SLC60A1: variants seen among roughly 807,000 people sequenced by gnomAD.
SLC60A1 encodes major facilitator superfamily domain containing 4.
At chr1:205,580,623 AC>A in the SLC60A1 span, 3 of 1,570,430 alleles carry the variant, frequency 1.9e-6, no homozygotes, top group Admixed American at 1.7e-5. The surrounding 1 kb of genome is among the most constrained non-coding windows in gnomAD (Gnocchi z 5.0). Context: ...CTGAAGACTG[AC>A]CCCCACCCCC....
chr1:205,579,687 TGGAGGA>T, the SLC60A1 span: 13 of 1,580,860 alleles, frequency 8.2e-6, no homozygotes, highest in Admixed American at 1.7e-5. Flanking sequence ...ACCCAGTGAA[TGGAGGA>T]GAAGGGGGAG....
chr1:205,599,172 C>G, the SLC60A1 span: 1 of 1,614,142 alleles, frequency 6.2e-7, no homozygotes, highest in South Asian at 1.1e-5. Flanking sequence ...TGGTCTGTGG[C>G]GTGATCTTTG....
the SLC60A1 span, among the ~76,000 whole-genome samples, chr1:205,569,860 TC>T: frequency 6.6e-6 from 1 of 151,948 alleles, no homozygotes; most frequent in African/African-American, 2.4e-5. Flanking sequence ...GGCTGTCCCT[TC>T]CCCCGGGTAG....
the SLC60A1 span, chr1:205,586,045 C>T: frequency 6.7e-5 from 107 of 1,598,412 alleles, no homozygotes; most frequent in Non-Finnish European, 8.6e-5. Context: ...GTGCCTATTC[C>T]GCCTTCGTGT....
chr1:205,593,467 A>G, the SLC60A1 span, among the ~76,000 whole-genome samples: 2 of 149,952 alleles, frequency 1.3e-5, no homozygotes, highest in Non-Finnish European at 3.0e-5. Context: ...AAAAAAAAAA[A>G]AAAAAAGATG....
At chr1:205,600,327 G>C in the SLC60A1 span, 2 of 1,442,684 alleles carry the variant, frequency 1.4e-6, no homozygotes, top group African/African-American at 1.4e-5. Context: ...AACAGCCTGG[G>C]TAAGCTCTCA....
At chr1:205,582,628 C>T in the SLC60A1 span, among the ~76,000 whole-genome samples, 2 of 152,358 alleles carry the variant, frequency 1.3e-5, no homozygotes, top group African/African-American at 4.8e-5. Flanking sequence ...GGCACTCTGC[C>T]ACTACAGGCC....
the SLC60A1 span, chr1:205,579,610 A>C: frequency 2.2e-6 from 2 of 918,716 alleles, no homozygotes; most frequent in Non-Finnish European, 3.4e-6. Flanking sequence ...CTAATAAGTG[A>C]GCAGCTTCTT....
the SLC60A1 span, chr1:205,597,873 G>C: frequency 6.2e-7 from 1 of 1,612,748 alleles, no homozygotes; most frequent in Non-Finnish European, 8.5e-7. Flanking sequence ...CTGTAAGGGA[G>C]AGGGGAGCAT....
the SLC60A1 span, among the ~76,000 whole-genome samples, chr1:205,582,009 C>T: frequency 2.0e-5 from 3 of 152,230 alleles, no homozygotes; most frequent in Non-Finnish European, 4.4e-5. Flanking sequence ...CCCTCATCAC[C>T]AGTCCTTTTC....
chr1:205,583,733 C>T, the SLC60A1 span, among the ~76,000 whole-genome samples: 2 of 152,164 alleles, frequency 1.3e-5, no homozygotes, highest in African/African-American at 4.8e-5. Context: ...TTTTCAGGGA[C>T]GCGAGTATGG....
At chr1:205,581,673 C>T in the SLC60A1 span, among the ~76,000 whole-genome samples, 1 of 152,162 alleles carries the variant, frequency 6.6e-6, no homozygotes, top group Admixed American at 6.5e-5. The surrounding 1 kb of genome is among the most constrained non-coding windows in gnomAD (Gnocchi z 4.2). Flanking sequence ...ATTACAGTGG[C>T]CACTGTCTTG....
At chr1:205,592,714 G>A in the SLC60A1 span, among the ~76,000 whole-genome samples, 4 of 152,202 alleles carry the variant, frequency 2.6e-5, no homozygotes, top group Admixed American at 6.5e-5. Context: ...CCTCCATTCA[G>A]AATGATCCCC....
chr1:205,584,100 C>T, the SLC60A1 span: 7 of 1,613,986 alleles, frequency 4.3e-6, no homozygotes, highest in Non-Finnish European at 5.9e-6. Flanking sequence ...TCCTCACTGC[C>T]CCCAAAGTTT....
chr1:205,573,930 C>T, the SLC60A1 span, among the ~76,000 whole-genome samples: 26 of 151,950 alleles, frequency 1.7e-4, no homozygotes, highest in Non-Finnish European at 3.7e-4. Flanking sequence ...CTCCTGACCT[C>T]AAGCAGTCCG....
At chr1:205,588,238 G>A in the SLC60A1 span, among the ~76,000 whole-genome samples, 5 of 152,192 alleles carry the variant, frequency 3.3e-5, no homozygotes, top group African/African-American at 9.6e-5. Flanking sequence ...TTGGGAGGCC[G>A]AGGCGGGTGG....
the SLC60A1 span, among the ~76,000 whole-genome samples, chr1:205,574,385 C>T: frequency 3.9e-5 from 6 of 151,982 alleles, no homozygotes; most frequent in African/African-American, 9.7e-5. Context: ...TTGAGGCTGT[C>T]GTGAGCCATG....
At chr1:205,592,104 C>G in the SLC60A1 span, 1 of 1,611,784 alleles carries the variant, frequency 6.2e-7, no homozygotes, top group Admixed American at 1.7e-5. Context: ...CTCAGCTTTT[C>G]GCAATTCCTA....
the SLC60A1 span, among the ~76,000 whole-genome samples, chr1:205,575,222 C>T: frequency 0.77 from 116,588 of 152,128 alleles, 45,161 homozygotes; most frequent in East Asian, 0.96. Flanking sequence ...CACTTCCATC[C>T]GTGACTCTTC....
Sources: allele counts gnomAD v4.1 joint callset (sites outside exome capture counted in the v4.1 genomes callset), GRCh38; gene constraint gnomAD v4.1.1; non-coding constraint Gnocchi (gnomAD v3.1); transcripts MANE v1.5; gene names NCBI Gene and HGNC (gene_info 2026-07-23, HGNC 2026-07-21).